IQSEC1: variants seen among roughly 807,000 people sequenced by gnomAD.
The protein encoded by IQSEC1 is IQ motif and SEC7 domain-containing protein 1.
In IQSEC1, 31 loss-of-function variants were observed where a neutral mutation model predicts 91.0. That is an observed-to-expected ratio of 0.34 (90% CI 0.26 to 0.46). The LOEUF (loss-of-function observed/expected upper bound fraction) is 0.46, where lower values mean the gene tolerates loss of function less well. Among genes scored for constraint, IQSEC1 ranks in the 20% least tolerant of loss-of-function variants. The probability of loss-of-function intolerance (pLI) is 1.00; values close to 1 mark genes in which losing one functional copy is unlikely to be tolerated. For synonymous variants in IQSEC1, 699 were observed against 662.6 expected (o/e 1.05, Z -0.84); for missense variants, 1,388 against 1,575.6 (o/e 0.88, Z 2.02).
rs80261363 is a variant in IQSEC1 at position 12,911,629 on chromosome 3, A to G, written c.2416T>C (p.Tyr806His). 231 of 1,610,676 alleles carry G rather than the reference A, an allele frequency of 1.4e-4. 2 individuals are homozygous for G. The East Asian group carries it at 2.1e-3, about 15-fold the overall frequency. The change falls in exon 10 of 14, where the codon TAC becomes CAC. Residue 806 changes from tyrosine (Y) to histidine (H), a missense_variant and splice_region_variant. Around this residue, in one of 2 missense-constraint regions of IQSEC1, gnomAD observed 1,059 missense variants for 1,317.8 expected, o/e 0.80. Transcript: ENST00000613206. The stretch of plus-strand genomic sequence containing the variant: ...AGGCAGGCCCTGGGGGCAGACTTAC[A>G]CTGGTTCTCGAAGAGCAGGACCTGC... The part of the protein sequence containing the change: ...GMQVLLFENQ[Y>H]YPNGIRLTSS...
intron 1 of IQSEC1, among the ~76,000 whole-genome samples, chr3:13,068,849 C>G (rs1486041888): frequency 5.3e-5 from 8 of 152,240 alleles, no homozygotes; most frequent in Non-Finnish European, 1.2e-4. Flanking sequence ...ACAGTTCACT[C>G]AATCCATTCC....
chr3:13,180,239 T>C (rs1035299221), intron 1 of IQSEC1, among the ~76,000 whole-genome samples: 5 of 152,168 alleles, frequency 3.3e-5, no homozygotes, highest in Admixed American at 1.3e-4. Flanking sequence ...AATACACCAA[T>C]TGGCACTCTG....
intron 1 of IQSEC1, among the ~76,000 whole-genome samples, chr3:12,958,577 C>T (rs1202969841): frequency 6.6e-6 from 1 of 152,248 alleles, no homozygotes; most frequent in Non-Finnish European, 1.5e-5. Context: ...CGTCGCTGCA[C>T]TGCATGGTGC....
chr3:13,270,564 CT>C (rs1040632409), intron 1 of IQSEC1, among the ~76,000 whole-genome samples: 1 of 152,186 alleles, frequency 6.6e-6, no homozygotes, highest in African/African-American at 2.4e-5. Flanking sequence ...CTGCCCCTGT[CT>C]TTATTCTCTC....
intron 1 of IQSEC1, among the ~76,000 whole-genome samples, chr3:13,023,784 C>A (rs1049499256): frequency 5.9e-5 from 9 of 152,236 alleles, no homozygotes; most frequent in Non-Finnish European, 8.8e-5. Context: ...TGTGGCCTCC[C>A]TGGGGGACTC....
intron 1 of IQSEC1, among the ~76,000 whole-genome samples, chr3:13,201,768 G>C (rs1298801086): frequency 6.6e-6 from 1 of 152,182 alleles, no homozygotes; most frequent in African/African-American, 2.4e-5. Flanking sequence ...TTGTCCAGAG[G>C]GGAAACAGCA....
chr3:13,234,550 C>T (rs562375341), intron 1 of IQSEC1, among the ~76,000 whole-genome samples: 12 of 152,238 alleles, frequency 7.9e-5, no homozygotes, highest in East Asian at 5.8e-4. Context: ...TGTCATCTTG[C>T]GCTATTACTG....
At chr3:13,134,602 T>C (rs902565717) in intron 2 of IQSEC1, among the ~76,000 whole-genome samples, 18 of 152,346 alleles carry the variant, frequency 1.2e-4, no homozygotes, top group African/African-American at 3.4e-4. Context: ...TCTAGCCTCA[T>C]GCGGGTGATG....
upstream of IQSEC1, among the ~76,000 whole-genome samples, chr3:13,077,151 C>T (rs532363203): frequency 6.6e-6 from 1 of 152,052 alleles, no homozygotes; most frequent in African/African-American, 2.4e-5. Context: ...GATCTTCCTG[C>T]CTTAGCCTGG....
chr3:13,181,090 T>C (rs946726297), intron 1 of IQSEC1, among the ~76,000 whole-genome samples: 8 of 152,034 alleles, frequency 5.3e-5, no homozygotes, highest in Non-Finnish European at 5.9e-5. Context: ...GCTAACGCGG[T>C]GAAACCCCGT....
chr3:13,160,437 A>G (rs1293886455), intron 2 of IQSEC1, among the ~76,000 whole-genome samples: 1 of 152,178 alleles, frequency 6.6e-6, no homozygotes, highest in Non-Finnish European at 1.5e-5. Flanking sequence ...CTGGGATTAC[A>G]AGTGTGAGCC....
At chr3:13,152,633 G>A (rs1707017953) in intron 2 of IQSEC1, among the ~76,000 whole-genome samples, 1 of 152,212 alleles carries the variant, frequency 6.6e-6, no homozygotes, top group Admixed American at 6.5e-5. Context: ...CACTTTGGGA[G>A]GCTGAGACGG....
At chr3:13,108,061 A>AACCCC (rs1706182809) in intron 2 of IQSEC1, among the ~76,000 whole-genome samples, 1 of 152,232 alleles carries the variant, frequency 6.6e-6, no homozygotes, top group African/African-American at 2.4e-5. Context: ...AATCACTCAT[A>AACCCC]ACCCCACCGC....
intron 1 of IQSEC1, among the ~76,000 whole-genome samples, chr3:13,241,217 T>C (rs2125103241): frequency 6.6e-6 from 1 of 152,230 alleles, no homozygotes; most frequent in South Asian, 2.1e-4. Context: ...CCTAAAAACA[T>C]CTGAGTTTGG....
At chr3:13,229,556 A>T (rs569789977) in intron 1 of IQSEC1, among the ~76,000 whole-genome samples, 1 of 152,336 alleles carries the variant, frequency 6.6e-6, no homozygotes, top group Non-Finnish European at 1.5e-5. Context: ...AGACAAATGC[A>T]GGGGAAATGT....
chr3:13,111,656 C>G (rs999823126), intron 2 of IQSEC1, among the ~76,000 whole-genome samples: 1 of 152,088 alleles, frequency 6.6e-6, no homozygotes, highest in African/African-American at 2.4e-5. Context: ...GGTGATTACG[C>G]TGAGATGAGG....
At chr3:12,956,114 C>T (rs568301245) in intron 1 of IQSEC1, among the ~76,000 whole-genome samples, 3 of 152,286 alleles carry the variant, frequency 2.0e-5, no homozygotes, top group South Asian at 2.1e-4. Flanking sequence ...AGGTGGCAGC[C>T]GCATCCATCA....
intron 1 of IQSEC1, among the ~76,000 whole-genome samples, chr3:13,262,405 A>AACCATTCCTGTC (rs1194213142): frequency 6.6e-6 from 1 of 152,148 alleles, no homozygotes; most frequent in Non-Finnish European, 1.5e-5. Context: ...GCTATCCTGA[A>AACCATTCCTGTC]ACCATTCCTG....
intron 1 of IQSEC1, among the ~76,000 whole-genome samples, chr3:13,273,095 A>G (rs1397783873): frequency 6.6e-6 from 1 of 152,158 alleles, no homozygotes; most frequent in African/African-American, 2.4e-5. Context: ...TTATAACCCC[A>G]TTTTACAGGT....
Sources: gnomAD v4.1 joint callset for allele counts (sites outside exome capture counted in the v4.1 genomes callset) on GRCh38, gnomAD v4.1.1 for gene constraint, gnomAD v4.1.1 regional missense constraint, MANE v1.5 for transcripts, NCBI Gene and HGNC (gene_info 2026-07-23, HGNC 2026-07-21) for gene names.